NTRK3: variants seen among roughly 807,000 people sequenced by gnomAD.
NTRK3 encodes NT-3 growth factor receptor.
A neutral mutation model predicts 91.7 loss-of-function variants in NTRK3; 24 were observed. The observed-to-expected ratio is 0.26, with a 90% CI of 0.19 to 0.37. NTRK3 has a LOEUF of 0.37. Among genes scored for constraint, NTRK3 ranks in the 10% least tolerant of loss-of-function variants. The pLI, the probability that NTRK3 is intolerant of heterozygous loss-of-function variation, is 1.00. For missense variants in NTRK3, 880 were observed against 1,068.9 expected (o/e 0.82, Z 2.46); for synonymous variants, 483 against 404.0 (o/e 1.20, Z -2.34).
At chr15:87,928,655 T>TATG in intron 17 of NTRK3, 1 of 182,120 alleles carries the variant, frequency 5.5e-6, no homozygotes, top group African/African-American at 2.4e-5. Flanking sequence ...TTCCAGCCCA[T>TATG]TTGGATAATG....
chr15:87,881,699 T>G lies in NTRK3; in HGVS notation c.2134-1271A>C, dbSNP rs868257968. Among the ~76,000 whole-genome samples the G allele has an allele frequency of 3.5e-4, 53 of 151,590 alleles. No homozygotes were observed. In the Middle Eastern group the frequency reaches 0.01, roughly 30 times the overall value. ...CTCCCAAAGTGCTGGGATTACAGGCTTGAGCCACCGCGCCCGGCCTAAAGT... is the reference window on the plus strand; with the variant it reads ...CTCCCAAAGTGCTGGGATTACAGGCGTGAGCCACCGCGCCCGGCCTAAAGT... On this transcript the variant is annotated intron_variant, in intron 17 of 18. Coordinates refer to ENST00000394480, the Ensembl canonical transcript of NTRK3.
At chr15:88,112,027 C>CT (rs1306059208) in intron 13 of NTRK3, among the ~76,000 whole-genome samples, 1 of 152,006 alleles carries the variant, frequency 6.6e-6, no homozygotes, top group Non-Finnish European at 1.5e-5. Flanking sequence ...CTGCCTCAGC[C>CT]TCCTGAGTAG....
At chr15:88,183,797 C>T (rs2046725455) in intron 4 of NTRK3, among the ~76,000 whole-genome samples, 1 of 152,140 alleles carries the variant, frequency 6.6e-6, no homozygotes, top group Non-Finnish European at 1.5e-5. Flanking sequence ...AGGGCTGCAG[C>T]CCTCTTTGTT....
At chr15:88,242,922 C>T (rs968808257) in intron 3 of NTRK3, among the ~76,000 whole-genome samples, 2 of 152,238 alleles carry the variant, frequency 1.3e-5, no homozygotes, top group African/African-American at 4.8e-5. Context: ...GGAAGACAGT[C>T]CTTTGGAAAA....
chr15:87,948,857 T>C (rs1392628212), intron 14 of NTRK3, among the ~76,000 whole-genome samples: 1 of 152,224 alleles, frequency 6.6e-6, no homozygotes, highest in Non-Finnish European at 1.5e-5. Context: ...TGGATCTTTC[T>C]GCTGGCCAGT....
At chr15:87,916,591 C>A in intron 17 of NTRK3, 1 of 702,184 alleles carries the variant, frequency 1.4e-6, no homozygotes, top group Non-Finnish European at 2.6e-6. Flanking sequence ...AACTGGATTT[C>A]TAAACTGCAG....
rs182801906 is a variant in NTRK3 at position 87,865,675 on chromosome 15, A to C, written c.*11260T>G. On this transcript the variant is annotated 3_prime_UTR_variant, in exon 19 of 19. Transcript: ENST00000394480. The stretch of plus-strand genomic sequence containing the variant: ...CCTATTTTTACAAAGCATTATGTTG[A>C]AATTGACAGAACCTTATGAAAGCAA... 1.1e-3 allele frequency: 241 copies of C among 220,780 alleles called. 1 individual carries two copies. Among genetic ancestry groups the C allele is most frequent in the African/African-American group, 4.9e-3 (220 of 44,776 alleles). The allele number at this position is 220,780 out of a possible 1,614,324, so 13.7% of individuals were successfully genotyped here. A position where few individuals can be genotyped will look rare whatever the true frequency, so the allele number is the denominator to read the frequency against.
At chr15:88,128,141 G>T (rs1104765) in intron 11 of NTRK3, among the ~76,000 whole-genome samples, 36,213 of 152,052 alleles carry the variant, frequency 0.24, 4,523 homozygotes, top group Non-Finnish European at 0.28. Flanking sequence ...AATAAACACA[G>T]GTTTCCCTAC....
Position 88,111,946 on chromosome 15 carries a change from A to G in NTRK3, c.1396+14325T>C, listed in dbSNP as rs191430896. ...GAGACAGACAGAGTCTCACTCTGTC[A>G]CCCAGGCTGGAGTGCAGTGGCACGA... On this transcript the variant is annotated intron_variant, in intron 13 of 18. Coordinates refer to ENST00000394480, the Ensembl canonical transcript of NTRK3. Among the ~76,000 whole-genome samples, 729 of 145,818 alleles carry G rather than the reference A, an allele frequency of 5.0e-3. 3 individuals are homozygous for G. Among genetic ancestry groups the G allele is most frequent in the Non-Finnish European group, 8.1e-3 (545 of 67,072 alleles).
intron 17 of NTRK3, 133 bp from the exon 18 acceptor site, chr15:87,885,868 C>A (rs2065505350): frequency 2.5e-6 from 1 of 394,872 alleles, no homozygotes; most frequent in South Asian, 9.8e-5. Flanking sequence ...TTTAGAGATA[C>A]AACTTACAAA....
chr15:88,047,393 G>A (rs1295625186), intron 13 of NTRK3, among the ~76,000 whole-genome samples: 3 of 152,022 alleles, frequency 2.0e-5, no homozygotes, highest in South Asian at 2.1e-4. Context: ...TAGATGGTGG[G>A]GAGATTCTAT....
intron 14 of NTRK3, among the ~76,000 whole-genome samples, chr15:87,986,100 T>C (rs1289617841): frequency 2.0e-5 from 3 of 152,264 alleles, no homozygotes; most frequent in African/African-American, 7.2e-5. Flanking sequence ...CAGAATTCAC[T>C]AAATAAGGAA....
chr15:88,016,362 G>A (rs1488658711), intron 14 of NTRK3, among the ~76,000 whole-genome samples: 2 of 152,162 alleles, frequency 1.3e-5, no homozygotes, highest in Non-Finnish European at 2.9e-5. Flanking sequence ...GAGAAGCCAT[G>A]GACAGTTTTG....
At chr15:88,046,538 C>T (rs1257488210) in intron 13 of NTRK3, among the ~76,000 whole-genome samples, 1 of 152,164 alleles carries the variant, frequency 6.6e-6, no homozygotes, top group African/African-American at 2.4e-5. Context: ...GAAGGCAGTG[C>T]AAGGAAGGAC....
chr15:87,972,310 C>A (rs548684179), intron 14 of NTRK3, among the ~76,000 whole-genome samples: 1 of 152,294 alleles, frequency 6.6e-6, no homozygotes, highest in East Asian at 1.9e-4. Context: ...CATTACTTAC[C>A]AAAGCCAGGT....
chr15:87,898,862 G>T (rs1245822721), intron 17 of NTRK3, among the ~76,000 whole-genome samples: 1 of 151,160 alleles, frequency 6.6e-6, no homozygotes, highest in African/African-American at 2.4e-5. Context: ...AATTAGCCAG[G>T]TGTGGTGGCA....
At chr15:88,228,432 C>A (rs2050871078) in intron 3 of NTRK3, among the ~76,000 whole-genome samples, 2 of 152,190 alleles carry the variant, frequency 1.3e-5, no homozygotes, top group Admixed American at 6.5e-5. Context: ...TATCAGTCCC[C>A]TTGCCCCCAT....
intron 5 of NTRK3, among the ~76,000 whole-genome samples, chr15:88,169,389 G>A (rs879160018): frequency 1.3e-5 from 2 of 152,198 alleles, no homozygotes; most frequent in Admixed American, 1.3e-4. Flanking sequence ...ACACTTGTAT[G>A]TAACAGAGGT....
At chr15:88,093,819 G>A (rs533361064) in intron 13 of NTRK3, among the ~76,000 whole-genome samples, 1 of 152,110 alleles carries the variant, frequency 6.6e-6, no homozygotes, top group East Asian at 1.9e-4. Context: ...GCCTCAAGCG[G>A]GGGGGTTGCT....
Sources: allele counts gnomAD v4.1 joint callset (sites outside exome capture counted in the v4.1 genomes callset), GRCh38; gene constraint gnomAD v4.1.1; transcripts MANE v1.5; gene names NCBI Gene and HGNC (gene_info 2026-07-23, HGNC 2026-07-21).